Variants in FSTL5 observed in about 807,000 individuals in gnomAD.
FSTL5 encodes the protein follistatin-related protein 5.
In FSTL5, 62 loss-of-function variants were observed where a neutral mutation model predicts 89.1. That is an observed-to-expected ratio of 0.70 (90% CI 0.57 to 0.86). FSTL5 has a LOEUF of 0.86. Ranked by LOEUF, FSTL5 falls within the 40% of genes least tolerant of loss-of-function variation. The pLI, the probability that FSTL5 is intolerant of heterozygous loss-of-function variation, is 0.00. For synonymous variants in FSTL5, 383 were observed against 346.2 expected, an observed-to-expected ratio of 1.11 and a Z score of -1.18; for missense variants, 1,057 against 1,001.6, an observed-to-expected ratio of 1.06 and a Z score of -0.75.
intron 7 of FSTL5, among the ~76,000 whole-genome samples, chr4:161,621,174 T>C (rs1735107162): frequency 6.6e-6 from 1 of 152,006 alleles, no homozygotes; most frequent in South Asian, 2.1e-4. Context: ...TTGCAAAGGG[T>C]ATTTTCTGAT....
intron 12 of FSTL5, among the ~76,000 whole-genome samples, chr4:161,492,374 G>A (rs1729910150): frequency 6.6e-6 from 1 of 151,940 alleles, no homozygotes; most frequent in South Asian, 2.1e-4. Flanking sequence ...TACTGTAGAG[G>A]TATACCATGA....
chr4:161,762,558 C>T (rs888485724), intron 5 of FSTL5, among the ~76,000 whole-genome samples: 6 of 152,110 alleles, frequency 3.9e-5, no homozygotes, highest in Admixed American at 3.3e-4. Flanking sequence ...GATGATACTT[C>T]ATTATCTCAT....
At chr4:161,556,397 G>A (rs575465331) in intron 8 of FSTL5, among the ~76,000 whole-genome samples, 1 of 151,566 alleles carries the variant, frequency 6.6e-6, no homozygotes, top group South Asian at 2.1e-4. Flanking sequence ...GTTTGTGTAA[G>A]AAACAGAAGA....
At chr4:161,693,609 A>T (rs925302402) in intron 6 of FSTL5, among the ~76,000 whole-genome samples, 1 of 150,946 alleles carries the variant, frequency 6.6e-6, no homozygotes. Context: ...GTTGATAAAC[A>T]AATGTTGATA....
In FSTL5 at chr4:162,049,316, T is replaced by C. The variant is rs190178639; in HGVS notation, c.127-15658A>G. 2.7e-3 allele frequency among the ~76,000 whole-genome samples: 405 copies of C among 152,304 alleles called. 2 individuals are homozygous for C. The highest frequency in any genetic ancestry group is 9.4e-3 in the African/African-American group (390 of 41,572). ...TACATCAGGAATGTAACATTTATGT[T>C]TGCAAAAGAAGGCCCACTATTAGCA... On this transcript the variant is annotated intron_variant, in intron 2 of 15. Coordinates refer to ENST00000306100, the MANE Select transcript of FSTL5 (RefSeq NM_020116.5).
intron 3 of FSTL5, among the ~76,000 whole-genome samples, chr4:161,944,866 T>A (rs972557949): frequency 2.4e-4 from 37 of 151,602 alleles, no homozygotes; most frequent in Non-Finnish European, 4.4e-4. Context: ...AGCTATAGAT[T>A]TATATTAAAA....
chr4:161,547,932 A>G (rs958778497), intron 8 of FSTL5, among the ~76,000 whole-genome samples: 2 of 151,918 alleles, frequency 1.3e-5, no homozygotes, highest in African/African-American at 2.4e-5. Context: ...TAAAGCAACA[A>G]ATATATTAAC....
chr4:162,135,276 CATA>C (rs962501626), intron 1 of FSTL5, among the ~76,000 whole-genome samples: 27 of 151,994 alleles, frequency 1.8e-4, no homozygotes, highest in East Asian at 5.8e-4. Context: ...ATATTTAAAA[CATA>C]ATAATTTATT....
chr4:161,753,594 G>A (rs867349089), intron 6 of FSTL5, among the ~76,000 whole-genome samples: 37 of 152,166 alleles, frequency 2.4e-4, no homozygotes, highest in Middle Eastern at 3.4e-3. Context: ...ATATACTAAT[G>A]ATCTAATATC....
At position 161,695,424 on chromosome 4, in the gene FSTL5, C is replaced by CATGTGT. The variant is rs1553959078; in HGVS notation, c.728-38931_728-38930insACACAT. Among the ~76,000 whole-genome samples, 3 of 134,248 alleles carry CATGTGT rather than the reference C, an allele frequency of 2.2e-5. No homozygotes were observed. The South Asian group carries it at 7.2e-4, about 32-fold the overall frequency. The allele number at this position is 134,248 out of a possible 152,430, so 88.1% of individuals were successfully genotyped here. On this transcript the variant is annotated intron_variant, in intron 6 of 15. Coordinates refer to ENST00000306100, the MANE Select transcript of FSTL5 (RefSeq NM_020116.5). ...TGGCTGAGTAGTATTCCATGGTGTACGTGTGTGTGTGTGTGTGTGTGTGTG... is the reference window on the plus strand; with the variant it reads ...TGGCTGAGTAGTATTCCATGGTGTACATGTGTGTGTGTGTGTGTGTGTGTGTGTGTG...
At chr4:161,766,906 C>CGATT (rs751910349) in intron 5 of FSTL5, among the ~76,000 whole-genome samples, 3 of 138,620 alleles carry the variant, frequency 2.2e-5, no homozygotes, top group Non-Finnish European at 4.8e-5. Context: ...GATGATAGAT[C>CGATT]GATTGATAGA....
intron 12 of FSTL5, chr4:161,495,318 G>A (rs112457485): frequency 1.3e-5 from 2 of 152,128 alleles, no homozygotes; most frequent in Non-Finnish European, 2.9e-5. Context: ...AACCAGAAGA[G>A]TGACAAAGTT....
intron 9 of FSTL5, among the ~76,000 whole-genome samples, chr4:161,541,700 G>C (rs1044461375): frequency 7.9e-5 from 12 of 151,800 alleles, no homozygotes; most frequent in Admixed American, 7.9e-4. Flanking sequence ...ATGTAATAAA[G>C]TGACAAAATA....
intron 4 of FSTL5, among the ~76,000 whole-genome samples, chr4:161,784,652 T>C (rs1273226093): frequency 1.3e-5 from 2 of 152,086 alleles, no homozygotes; most frequent in Non-Finnish European, 2.9e-5. Flanking sequence ...CCCAGCACTT[T>C]GGAAGGCGGA....
intron 7 of FSTL5, among the ~76,000 whole-genome samples, chr4:161,640,224 A>G (rs551257020): frequency 6.6e-6 from 1 of 152,294 alleles, no homozygotes; most frequent in South Asian, 2.1e-4. Context: ...TTTGAGTTAC[A>G]GTATTAGATT....
chr4:161,796,422 G>A (rs1347225736), intron 4 of FSTL5, among the ~76,000 whole-genome samples: 2 of 151,786 alleles, frequency 1.3e-5, no homozygotes, highest in African/African-American at 4.8e-5. Context: ...GAAGGATATT[G>A]TGTAAGGTGA....
chr4:161,637,416 C>T, intron 7 of FSTL5, among the ~76,000 whole-genome samples: 1 of 143,760 alleles, frequency 7.0e-6, no homozygotes, highest in African/African-American at 2.6e-5. Context: ...TGTAGGTTGC[C>T]TGTTCACTCT....
chr4:161,670,520 G>A (rs1241814006), intron 6 of FSTL5, among the ~76,000 whole-genome samples: 1 of 152,146 alleles, frequency 6.6e-6, no homozygotes, highest in African/African-American at 2.4e-5. Flanking sequence ...TCCATGTGGT[G>A]TAATAGAATT....
intron 7 of FSTL5, among the ~76,000 whole-genome samples, chr4:161,605,290 A>T (rs749931847): frequency 1.3e-5 from 2 of 152,198 alleles, no homozygotes; most frequent in Non-Finnish European, 2.9e-5. Context: ...ATGCCATAGC[A>T]CATAGCCTTC....
Sources: allele counts gnomAD v4.1 joint callset (sites outside exome capture counted in the v4.1 genomes callset), GRCh38; gene constraint gnomAD v4.1.1; transcripts MANE v1.5; gene names NCBI Gene and HGNC (gene_info 2026-07-23, HGNC 2026-07-21).